Variants in RANBP17 observed in about 807,000 individuals in gnomAD.
RANBP17 encodes the protein ran-binding protein 17.
RANBP17 carries 158 observed loss-of-function variants against 141.2 expected under a neutral mutation model. That is an observed-to-expected ratio of 1.12 (90% CI 0.98 to 1.28). The LOEUF (loss-of-function observed/expected upper bound fraction) is 1.28, where lower values mean the gene tolerates loss of function less well. RANBP17 is among the 50% of genes most tolerant of loss of function. The probability of loss-of-function intolerance (pLI) is 0.00; values close to 1 mark genes in which losing one functional copy is unlikely to be tolerated. For missense variants in RANBP17, 1,438 were observed against 1,290.7 expected (o/e 1.11, Z -1.75); for synonymous variants, 430 against 450.0 (o/e 0.96, Z 0.56).
chr5:171,192,781 G>A (rs1761732815), intron 18 of RANBP17, among the ~76,000 whole-genome samples: 1 of 152,074 alleles, frequency 6.6e-6, no homozygotes, highest in African/African-American at 2.4e-5. Context: ...TCAATATTTA[G>A]GGCTATTATT....
At chr5:171,144,661 C>G (rs752773769) in intron 14 of RANBP17, among the ~76,000 whole-genome samples, 7 of 152,170 alleles carry the variant, frequency 4.6e-5, no homozygotes, top group Admixed American at 1.3e-4. Flanking sequence ...TGGTCTCTGC[C>G]TGCCACAACA....
intron 1 of RANBP17, among the ~76,000 whole-genome samples, chr5:170,865,101 C>T (rs2013748): frequency 2.0e-5 from 3 of 151,940 alleles, no homozygotes; most frequent in South Asian, 2.1e-4. Context: ...GAATCTTGCT[C>T]GCCCAGGCTG....
rs775417028 is a variant in RANBP17 at position 171,152,857 on chromosome 5, G to A, written c.1711-17273G>A. On this transcript the variant is annotated intron_variant, in intron 14 of 27. Coordinates refer to ENST00000523189, the MANE Select transcript of RANBP17 (RefSeq NM_022897.5). ...ATAAGTCTCAAAATAATCTTATGACGAAGGTGTCATTAACCTCATTTCTAT... is the reference window on the plus strand; with the variant it reads ...ATAAGTCTCAAAATAATCTTATGACAAAGGTGTCATTAACCTCATTTCTAT... Among the ~76,000 whole-genome samples the A allele has an allele frequency of 3.3e-5, 5 of 152,150 alleles. No homozygotes were observed. In the South Asian group the frequency reaches 1.0e-3, roughly 32 times the overall value.
At chr5:171,250,487 G>A (rs1765486595) in intron 24 of RANBP17, among the ~76,000 whole-genome samples, 1 of 152,080 alleles carries the variant, frequency 6.6e-6, no homozygotes, top group Non-Finnish European at 1.5e-5. Context: ...TCACATATCA[G>A]TAATAGCCTT....
In RANBP17 at chr5:171,089,275, G is replaced by C. The variant is rs1367055552; in HGVS notation, c.1711-80855G>C. Among the ~76,000 whole-genome samples, 87 of 98,370 alleles carry C rather than the reference G, an allele frequency of 8.8e-4. 4 individuals carry two copies. Among genetic ancestry groups the C allele is most frequent in the East Asian group, 1.6e-3 (3 of 1,846 alleles). The allele number at this position is 98,370 out of a possible 152,430, so 64.5% of individuals were successfully genotyped here. On this transcript the variant is annotated intron_variant, in intron 14 of 27. Transcript: ENST00000523189. ...GGCCTCCCAGTTAGGCTGCTCGGGGGTCACGGGTCAGGGACCCACTTGAGG... is the reference window on the plus strand; with the variant it reads ...GGCCTCCCAGTTAGGCTGCTCGGGGCTCACGGGTCAGGGACCCACTTGAGG...
At chr5:170,985,517 T>G (rs1778085728) in intron 14 of RANBP17, among the ~76,000 whole-genome samples, 1 of 152,208 alleles carries the variant, frequency 6.6e-6, no homozygotes, top group African/African-American at 2.4e-5. Flanking sequence ...CTTCAAAATT[T>G]TTGCTCTCAT....
chr5:170,883,423 A>G (rs1416099056), intron 3 of RANBP17, among the ~76,000 whole-genome samples: 1 of 152,176 alleles, frequency 6.6e-6, no homozygotes, highest in Non-Finnish European at 1.5e-5. Context: ...GTTACAATTG[A>G]TGAACCTACA....
At chr5:171,079,368 A>G (rs1356237438) in intron 14 of RANBP17, among the ~76,000 whole-genome samples, 1 of 152,236 alleles carries the variant, frequency 6.6e-6, no homozygotes, top group Non-Finnish European at 1.5e-5. Context: ...TTGAAATGAC[A>G]AAAGATTTAG....
At chr5:171,220,941 C>G (rs577916569) in intron 21 of RANBP17, among the ~76,000 whole-genome samples, 1 of 152,212 alleles carries the variant, frequency 6.6e-6, no homozygotes, top group East Asian at 1.9e-4. Context: ...GTACTTAATA[C>G]TAAAGCATTT....
intron 14 of RANBP17, among the ~76,000 whole-genome samples, chr5:171,137,626 CTG>C (rs915167217): frequency 3.9e-5 from 4 of 102,552 alleles, no homozygotes; most frequent in Non-Finnish European, 4.3e-5. Context: ...GTGTGTGTGT[CTG>C]TGTGTGTGTG....
chr5:170,911,584 C>T (rs1453375985), intron 7 of RANBP17, among the ~76,000 whole-genome samples: 3 of 151,594 alleles, frequency 2.0e-5, no homozygotes, highest in Admixed American at 6.6e-5. Context: ...ATTGGCAGTT[C>T]AATAGGTGAT....
At chr5:171,032,143 T>C (rs981678228) in intron 14 of RANBP17, among the ~76,000 whole-genome samples, 1 of 152,108 alleles carries the variant, frequency 6.6e-6, no homozygotes, top group Non-Finnish European at 1.5e-5. Flanking sequence ...ATCACTTTTA[T>C]AATAGTGAGC....
At chr5:171,145,177 A>G (rs1249581225) in intron 14 of RANBP17, among the ~76,000 whole-genome samples, 2 of 152,210 alleles carry the variant, frequency 1.3e-5, no homozygotes, top group Non-Finnish European at 2.9e-5. Flanking sequence ...TTACTTTAGT[A>G]AGTAAGCTTA....
chr5:170,979,228 A>G (rs1246444815), intron 14 of RANBP17, among the ~76,000 whole-genome samples: 2 of 152,226 alleles, frequency 1.3e-5, no homozygotes, highest in Admixed American at 6.5e-5. Flanking sequence ...GGCATAGTTC[A>G]ACCATATCTG....
chr5:171,037,039 A>G (rs778760423), intron 14 of RANBP17, among the ~76,000 whole-genome samples: 1 of 152,142 alleles, frequency 6.6e-6, no homozygotes, highest in Non-Finnish European at 1.5e-5. Flanking sequence ...AGCTGAATTA[A>G]TACATGTTCC....
chr5:170,882,311 A>G (rs1768772247), intron 3 of RANBP17, among the ~76,000 whole-genome samples: 1 of 151,998 alleles, frequency 6.6e-6, no homozygotes, highest in Non-Finnish European at 1.5e-5. Context: ...TGATCTCTTG[A>G]CCTCGTGATC....
intron 24 of RANBP17, among the ~76,000 whole-genome samples, chr5:171,245,877 CTTT>C (rs778868859): frequency 2.2e-5 from 3 of 134,278 alleles, no homozygotes; most frequent in African/African-American, 2.8e-5. Flanking sequence ...TCTTCTCATA[CTTT>C]TTTTTTTTTT....
intron 12 of RANBP17, among the ~76,000 whole-genome samples, chr5:170,937,716 TTG>T (rs772234188): frequency 4.6e-5 from 7 of 152,336 alleles, no homozygotes; most frequent in Non-Finnish European, 8.8e-5. Flanking sequence ...AGTGCTGTTT[TTG>T]TTTTGACTGA....
intron 13 of RANBP17, among the ~76,000 whole-genome samples, chr5:170,958,525 A>G (rs1191251802): frequency 6.6e-6 from 1 of 152,214 alleles, no homozygotes; most frequent in Non-Finnish European, 1.5e-5. Context: ...GTATTTTAGA[A>G]TATTGAGATT....
Sources: allele counts gnomAD v4.1 joint callset (sites outside exome capture counted in the v4.1 genomes callset), GRCh38; gene constraint gnomAD v4.1.1; transcripts MANE v1.5; gene names NCBI Gene and HGNC (gene_info 2026-07-23, HGNC 2026-07-21).